Variants in KHNYN observed in about 807,000 individuals in gnomAD.
KHNYN encodes protein KHNYN.
Under a neutral mutation model 62.7 loss-of-function variants are expected in KHNYN, and 42 were observed. The ratio of observed to expected loss-of-function variants is 0.67; its 90% CI spans 0.52 to 0.87. KHNYN has a LOEUF of 0.87. Among genes scored for constraint, KHNYN ranks in the 40% least tolerant of loss-of-function variants. The pLI, the probability that KHNYN is intolerant of heterozygous loss-of-function variation, is 0.00. For missense variants in KHNYN, 829 were observed against 874.1 expected, an observed-to-expected ratio of 0.95 and a Z score of 0.65; for synonymous variants, 347 against 345.6, an observed-to-expected ratio of 1.00 and a Z score of -0.04.
rs1209916802 is a variant in KHNYN at position 24,438,569 on chromosome 14, TAG to T, written c.*1287_*1288del. On this transcript the variant is annotated 3_prime_UTR_variant, in exon 8 of 8. Transcript: ENST00000553935. ...GACATGCTTTCTTCACCCTGATTCC[TAG>T]AGGTCATTGCCCTGGATCTGCTTGA... 6.6e-6 allele frequency: 1 copy of T among 152,240 alleles called. No homozygotes were observed. The highest frequency in any genetic ancestry group is 1.9e-4 in the East Asian group (1 of 5,202). The allele number at this position is 152,240 out of a possible 1,614,324, so 9.4% of individuals were successfully genotyped here.
chr14:24,426,228 TG>T (rs1393775897), upstream of KHNYN, among the ~76,000 whole-genome samples: 1 of 152,266 alleles, frequency 6.6e-6, no homozygotes, highest in Non-Finnish European at 1.5e-5. Flanking sequence ...TTCTTTAAAT[TG>T]ATTCCTTTGC....
intron 7 of KHNYN, 115 bp downstream of exon 7, chr14:24,436,604 G>T (rs2043208998): frequency 6.9e-6 from 5 of 726,022 alleles, no homozygotes; most frequent in Non-Finnish European, 1.1e-5. Context: ...ATTTTGCAGT[G>T]GTTTGAGTTG....
chr14:24,429,774 C>T (rs1449975742), upstream of KHNYN: 1 of 985,448 alleles, frequency 1.0e-6, no homozygotes, highest in Non-Finnish European at 1.2e-6. Flanking sequence ...ACCCTGAGGG[C>T]CGGGAGACAG....
chr14:24,437,480 A>G lies in KHNYN; in HGVS notation c.*195A>G. Reference sequence around the variant, plus strand: ...GAGTCAGGACCTCAGCCAGCTCTCAAGAGGTTCTGCTCAGCCTTAACTTCT... The same window carrying G: ...GAGTCAGGACCTCAGCCAGCTCTCAGGAGGTTCTGCTCAGCCTTAACTTCT... On this transcript the variant is annotated 3_prime_UTR_variant, in exon 8 of 8. Coordinates refer to ENST00000553935, the MANE Select transcript of KHNYN (RefSeq NM_015299.3). The surrounding 1 kb of genome is among the most constrained non-coding windows in gnomAD (Gnocchi z 5.5). The G allele has an allele frequency of 1.6e-6, 1 of 620,344 alleles. No homozygotes were observed. The highest frequency in any genetic ancestry group is 3.1e-5 in the Admixed American group (1 of 32,426). 38.4% of individuals were successfully genotyped at this position (620,344 alleles called of 1,614,324 possible). A position where few individuals can be genotyped will look rare whatever the true frequency, so the allele number is the denominator to read the frequency against.
Position 24,440,413 on chromosome 14 carries a change from G to A in KHNYN, c.*3128G>A, listed in dbSNP as rs1430593780. ...TCCAGGGGAAGAATTGGTGGCCTGA[G>A]CCGATGGGGCCCCCCAGGCCCAGGC... is the stretch of plus-strand genomic sequence containing the variant. On this transcript the variant is annotated 3_prime_UTR_variant, in exon 8 of 8. Coordinates refer to ENST00000553935, the MANE Select transcript of KHNYN (RefSeq NM_015299.3). 3 of 1,613,528 alleles carry A rather than the reference G, an allele frequency of 1.9e-6. No individual in the cohort carries two copies. Among genetic ancestry groups the A allele is most frequent in the Non-Finnish European group, 2.5e-6 (3 of 1,179,670 alleles).
intron 5 of KHNYN, among the ~76,000 whole-genome samples, chr14:24,433,607 G>A (rs2043159643): frequency 6.6e-6 from 1 of 152,126 alleles, no homozygotes; most frequent in Admixed American, 6.5e-5. Flanking sequence ...TTGTCTCAGG[G>A]TCCTCCTCCA....
chr14:24,433,363 A>G (rs1029137286), intron 5 of KHNYN, among the ~76,000 whole-genome samples: 1 of 152,270 alleles, frequency 6.6e-6, no homozygotes, highest in African/African-American at 2.4e-5. Flanking sequence ...ATGTCTTCTT[A>G]TAACCTGAAT....
chr14:24,436,993 C>T (rs1168850382), intron 7 of KHNYN, 43 bp from the exon 8 acceptor site: 2 of 1,583,742 alleles, frequency 1.3e-6, no homozygotes, highest in Non-Finnish European at 8.6e-7. Context: ...CTAATTTCCC[C>T]CCCAGGATGC....
chr14:24,424,683 A>G (rs924430463), upstream of KHNYN, among the ~76,000 whole-genome samples: 7 of 152,216 alleles, frequency 4.6e-5, no homozygotes, highest in African/African-American at 1.7e-4. Context: ...TTAAAGTGTG[A>G]GAAGGACTTG....
upstream of KHNYN, chr14:24,428,105 G>A: frequency 7.5e-7 from 1 of 1,338,272 alleles, no homozygotes; most frequent in Non-Finnish European, 1.0e-6. Flanking sequence ...GAGGGCTGAG[G>A]GGCGGCCAGC....
At chr14:24,429,635 G>A (rs2043067485), upstream of KHNYN, 1 of 1,127,522 alleles carries the variant, frequency 8.9e-7, no homozygotes, top group African/African-American at 1.7e-5. Context: ...TTGGTGGAAA[G>A]TGCTTGGGCC....
In KHNYN at chr14:24,432,378, C is replaced by G. The variant is rs762014009; in HGVS notation, c.1117C>G (p.Arg373Gly). The stretch of plus-strand genomic sequence containing the variant: ...GGAACCCCCATGGCACTGTGGAGAC[C>G]GGGGTGACTGCGGAGACCGGGGAGA... ...APEPPWHCGD[R>G]GDCGDRGDVG... The change falls in exon 3 of 8, where the codon CGG becomes GGG. Residue 373 changes from arginine to glycine, a missense_variant. By Grantham distance (125) the Arg-to-Gly change is moderately radical. Transcript: ENST00000553935. This position sits in a 1 kb window ranked among gnomAD's most constrained non-coding sequence, Gnocchi z 5.6. The G allele has an allele frequency of 6.8e-6, 11 of 1,613,702 alleles. No individual in the cohort carries two copies. The highest frequency in any genetic ancestry group is 1.7e-5 in the Admixed American group (1 of 59,982).
chr14:24,438,107 T>C lies in KHNYN; in HGVS notation c.*822T>C, dbSNP rs1255392193. ...GTGCCCTATAATGGCTGCATCCCTT[T>C]TGAGCAACCTCCAAAATCTACATTT... On this transcript the variant is annotated 3_prime_UTR_variant, in exon 8 of 8. Coordinates refer to ENST00000553935, the MANE Select transcript of KHNYN (RefSeq NM_015299.3). 1.3e-5 allele frequency: 2 copies of C among 152,616 alleles called. No individual in the cohort carries two copies. Among genetic ancestry groups the C allele is most frequent in the South Asian group, 2.1e-4 (1 of 4,830 alleles). The allele number at this position is 152,616 out of a possible 1,614,324, so 9.5% of individuals were successfully genotyped here.
At chr14:24,430,261 C>A in intron 1 of KHNYN, 142 bp downstream of exon 1, 1 of 770,850 alleles carries the variant, frequency 1.3e-6, no homozygotes, top group Non-Finnish European at 1.6e-6. Flanking sequence ...GTGCTCCTGG[C>A]CCGACGGAGA....
At chr14:24,436,977 TA>T in intron 7 of KHNYN, 58 bp from the exon 8 acceptor site, 4 of 1,565,204 alleles carry the variant, frequency 2.6e-6, no homozygotes, top group Non-Finnish European at 3.5e-6. Context: ...GGGTGCCCAC[TA>T]AGATCTAATT....
At chr14:24,423,202 A>T in the KHNYN span, among the ~76,000 whole-genome samples, 1 of 152,200 alleles carries the variant, frequency 6.6e-6, no homozygotes, top group Non-Finnish European at 1.5e-5. Flanking sequence ...AGATGAGCTG[A>T]CGCCAACTAC....
At position 24,436,199 on chromosome 14, in the gene KHNYN, G is replaced by A. The variant is rs1269831973; in HGVS notation, c.1685+20G>A. 6.3e-7 allele frequency: 1 copy of A among 1,588,084 alleles called. No individual in the cohort carries two copies. On this transcript the variant is annotated intron_variant, in intron 6 of 7. Transcript: ENST00000553935. ...AGAACGGTGAGGGAGCCCTCCCGCT[G>A]AGAACTGGGCACAGATGCAGATGTT...
chr14:24,437,365 TGCTCACTCTGATCCAGAG>T lies in KHNYN; in HGVS notation c.*83_*100del. The T allele has an allele frequency of 6.6e-7, 1 of 1,511,520 alleles. No individual in the cohort carries two copies. Among genetic ancestry groups the T allele is most frequent in the Non-Finnish European group, 8.9e-7 (1 of 1,119,360 alleles). The allele number at this position is 1,511,520 out of a possible 1,614,324, so 93.6% of individuals were successfully genotyped here. On this transcript the variant is annotated 3_prime_UTR_variant, in exon 8 of 8. Transcript: ENST00000553935. This position sits in a 1 kb window ranked among gnomAD's most constrained non-coding sequence, Gnocchi z 5.5. Reference sequence around the variant, plus strand: ...GCCCTTTCTGTGAGAGTCCCTCTGCTGCTCACTCTGATCCAGAGGCACCCTGAGTTGGTGCTTTGGATC... The same window carrying T: ...GCCCTTTCTGTGAGAGTCCCTCTGCTGCACCCTGAGTTGGTGCTTTGGATC...
At chr14:24,426,154 G>A (rs906084429), upstream of KHNYN, among the ~76,000 whole-genome samples, 1 of 152,102 alleles carries the variant, frequency 6.6e-6, no homozygotes, top group Non-Finnish European at 1.5e-5. Context: ...AATTCACCTT[G>A]TTCCAATTAA....
Sources: gnomAD v4.1 joint callset for allele counts (sites outside exome capture counted in the v4.1 genomes callset) on GRCh38, gnomAD v4.1.1 for gene constraint, Gnocchi (gnomAD v3.1) non-coding constraint, MANE v1.5 for transcripts, NCBI Gene and HGNC (gene_info 2026-07-23, HGNC 2026-07-21) for gene names.